The following CFDP1 variants were observed in gnomAD, a reference collection of about 807,000 sequenced individuals.
CFDP1 encodes the protein heterochromatin-stabilizing protein CFDP1.
A neutral mutation model predicts 40.1 loss-of-function variants in CFDP1; 31 were observed. The ratio of observed to expected loss-of-function variants is 0.77; its 90% confidence interval spans 0.58 to 1.04. CFDP1 has a LOEUF of 1.04. Among genes scored for constraint, CFDP1 ranks in the 50% least tolerant of loss-of-function variants. The probability of loss-of-function intolerance (pLI) is 0.00; values close to 1 mark genes in which losing one functional copy is unlikely to be tolerated. For missense variants in CFDP1, 423 were observed against 343.4 expected (o/e 1.23, Z -1.83); for synonymous variants, 167 against 120.0 (o/e 1.39, Z -2.56).
chr16:75,372,267 A>C (rs1597361155), intron 5 of CFDP1: 1 of 152,220 alleles, frequency 6.6e-6, no homozygotes. Context: ...CAAATAATCA[A>C]AAAGAAAAAC....
intron 1 of CFDP1, among the ~76,000 whole-genome samples, chr16:75,420,746 G>A (rs1254112378): frequency 6.6e-6 from 1 of 152,156 alleles, no homozygotes; most frequent in Non-Finnish European, 1.5e-5. Context: ...ATTGCAGGCT[G>A]AGGAAAAAAT....
chr16:75,411,444 C>T (rs1428446228), intron 4 of CFDP1, among the ~76,000 whole-genome samples: 1 of 152,078 alleles, frequency 6.6e-6, no homozygotes, highest in African/African-American at 2.4e-5. Context: ...CCAAATTTCT[C>T]TCCTTGTATT....
intron 5 of CFDP1, among the ~76,000 whole-genome samples, chr16:75,353,818 C>A (rs2078628906): frequency 6.8e-6 from 1 of 146,506 alleles, no homozygotes. Context: ...AAAAAATGGA[C>A]CATGGTATTA....
chr16:75,382,123 GAAA>G (rs78588129), intron 5 of CFDP1, among the ~76,000 whole-genome samples: 1 of 80,824 alleles, frequency 1.2e-5, no homozygotes, highest in Non-Finnish European at 2.7e-5. Flanking sequence ...TCTCAAAAAA[GAAA>G]AAAAAAAAAA....
intron 1 of CFDP1, among the ~76,000 whole-genome samples, chr16:75,428,883 G>A (rs192302317): frequency 2.0e-5 from 3 of 152,030 alleles, no homozygotes; most frequent in East Asian, 1.9e-4. Context: ...TTGGGAGGCC[G>A]AGGCAGGCAG....
At chr16:75,373,003 T>C (rs564221531) in intron 5 of CFDP1, among the ~76,000 whole-genome samples, 4 of 152,314 alleles carry the variant, frequency 2.6e-5, no homozygotes, top group African/African-American at 9.6e-5. Context: ...TTCCCCGGCA[T>C]GGAAGCAGAT....
intron 5 of CFDP1, among the ~76,000 whole-genome samples, chr16:75,312,313 A>G (rs535904005): frequency 2.1e-4 from 32 of 152,252 alleles, no homozygotes; most frequent in Non-Finnish European, 4.3e-4. Context: ...AACCAGAAGT[A>G]TGACAAGAAG....
At chr16:75,430,355 C>G (rs1238447538) in intron 1 of CFDP1, among the ~76,000 whole-genome samples, 1 of 151,864 alleles carries the variant, frequency 6.6e-6, no homozygotes, top group African/African-American at 2.4e-5. Flanking sequence ...ATCTTTAGTA[C>G]AGACAGGGTT....
At chr16:75,428,131 G>C (rs938972151) in intron 1 of CFDP1, among the ~76,000 whole-genome samples, 1 of 142,600 alleles carries the variant, frequency 7.0e-6, no homozygotes, top group Non-Finnish European at 1.5e-5. Context: ...GGGGAAATTT[G>C]TTTTTTTTTT....
chr16:75,426,035 C>CCA (rs2079338958), intron 1 of CFDP1, among the ~76,000 whole-genome samples: 8 of 34,478 alleles, frequency 2.3e-4, no homozygotes, highest in African/African-American at 1.1e-3. Flanking sequence ...CACTCTGTCT[C>CCA]AAAAAAAAAA....
chr16:75,433,196 G>T, intron 1 of CFDP1, 93 bp downstream of exon 1: 1 of 1,255,526 alleles, frequency 8.0e-7, no homozygotes, highest in Non-Finnish European at 1.1e-6. Flanking sequence ...GGACCACCTG[G>T]GCCACAGGGC....
intron 5 of CFDP1, among the ~76,000 whole-genome samples, chr16:75,356,508 T>C (rs1297387529): frequency 6.6e-6 from 1 of 152,226 alleles, no homozygotes; most frequent in Non-Finnish European, 1.5e-5. Context: ...TATGTTTTGT[T>C]GTTTCACTTA....
At chr16:75,349,638 G>T (rs564464246) in intron 5 of CFDP1, among the ~76,000 whole-genome samples, 1 of 94,184 alleles carries the variant, frequency 1.1e-5, no homozygotes, top group Admixed American at 1.4e-4. Context: ...GCGACAGAGC[G>T]AGACTCCGTC....
chr16:75,407,386 T>C (rs1192961435), intron 4 of CFDP1, among the ~76,000 whole-genome samples: 1 of 152,020 alleles, frequency 6.6e-6, no homozygotes, highest in African/African-American at 2.4e-5. Context: ...TAAAAAAATA[T>C]TCACACATGG....
rs554676033 is a variant in CFDP1 at position 75,305,196 on chromosome 16, A to T, written c.651-14T>A. On this transcript the variant is annotated splice_polypyrimidine_tract_variant and intron_variant, in intron 5 of 6. Coordinates refer to ENST00000283882, the MANE Select transcript of CFDP1 (RefSeq NM_006324.3). The stretch of plus-strand genomic sequence containing the variant: ...GATCTTTTTAACCTAAGGAAAGAAA[A>T]TATGAAAGATGTAGCAGGTAAAAAC... 1 of 1,611,954 alleles carries T rather than the reference A, an allele frequency of 6.2e-7. No homozygotes were observed. Among genetic ancestry groups the T allele is most frequent in the South Asian group, 1.1e-5 (1 of 90,760 alleles).
chr16:75,298,623 G>A (rs2078200610), intron 6 of CFDP1, among the ~76,000 whole-genome samples: 1 of 152,176 alleles, frequency 6.6e-6, no homozygotes, highest in African/African-American at 2.4e-5. Flanking sequence ...ATAAAGCTCT[G>A]GGAATGATGT....
intron 1 of CFDP1, among the ~76,000 whole-genome samples, chr16:75,431,474 A>AC (rs2079416213): frequency 6.9e-6 from 1 of 145,558 alleles, no homozygotes; most frequent in Non-Finnish European, 1.5e-5. Flanking sequence ...AAAAAAAAAA[A>AC]AAAGAAAAGA....
rs3975153 is a variant in CFDP1, at chr16:75,352,007, C to CAAAA, written c.650+43079_650+43082dup. 8.9e-3 allele frequency among the ~76,000 whole-genome samples: 775 copies of CAAAA among 86,694 alleles called. 33 individuals are homozygous for CAAAA. Among genetic ancestry groups the CAAAA allele is most frequent in the South Asian group, 0.013 (31 of 2,458 alleles). The allele number at this position is 86,694 out of a possible 152,430, so 56.9% of individuals were successfully genotyped here. A position where few individuals can be genotyped will look rare whatever the true frequency, so the allele number is the denominator to read the frequency against. ...TGGGCGACAGACTGAGACTCTGTCT[C>CAAAA]AAAAAAAAAAAAAAAAAAAAAAAAA... On this transcript the variant is annotated intron_variant, in intron 5 of 6. Transcript: ENST00000283882.
chr16:75,419,470 T>C (rs1194921562), intron 1 of CFDP1, among the ~76,000 whole-genome samples: 1 of 152,134 alleles, frequency 6.6e-6, no homozygotes, highest in East Asian at 1.9e-4. Flanking sequence ...CTAATGACAG[T>C]AGTAGTTTAG....
Sources: allele counts gnomAD v4.1 joint callset (sites outside exome capture counted in the v4.1 genomes callset), GRCh38; gene constraint gnomAD v4.1.1; transcripts MANE v1.5; gene names NCBI Gene and HGNC (gene_info 2026-07-23, HGNC 2026-07-21).